Variants in KHK observed in about 807,000 individuals in gnomAD.
KHK encodes fructokinase.
KHK carries 37 observed loss-of-function variants against 36.0 expected under a neutral mutation model. The observed-to-expected ratio is 1.03, with a 90% confidence interval of 0.79 to 1.35. KHK has a LOEUF of 1.35. Ranked by LOEUF, KHK falls within the 40% of genes most tolerant of loss-of-function variation. KHK has a pLI of 0.00. For synonymous variants in KHK, 161 were observed against 162.8 expected, an observed-to-expected ratio of 0.99 and a Z score of 0.08; for missense variants, 395 against 391.9, an observed-to-expected ratio of 1.01 and a Z score of -0.07.
intron 2 of KHK, among the ~76,000 whole-genome samples, chr2:27,093,346 A>G (rs1047830358): frequency 3.9e-5 from 6 of 152,092 alleles, no homozygotes; most frequent in African/African-American, 1.2e-4. Context: ...AACCTCTTTA[A>G]TAGCTCCTTT....
In KHK at chr2:27,100,266, G is replaced by A. The variant is rs982962066; in HGVS notation, c.*516G>A. On this transcript the variant is annotated 3_prime_UTR_variant, in exon 8 of 8. Coordinates refer to ENST00000260598, the MANE Select transcript of KHK (RefSeq NM_006488.3). ...AGCTCAGAAGCTGGGAGTCCACACC[G>A]CTGAGCTGAACTGACAGGCCAGTGG... 10 of 411,602 alleles carry A rather than the reference G, an allele frequency of 2.4e-5. No individual in the cohort carries two copies. Among genetic ancestry groups the A allele is most frequent in the Admixed American group, 1.3e-4 (4 of 30,110 alleles). The allele number at this position is 411,602 out of a possible 1,614,324, so 25.5% of individuals were successfully genotyped here.
intron 1 of KHK, among the ~76,000 whole-genome samples, chr2:27,090,826 G>A: frequency 6.6e-6 from 1 of 152,036 alleles, no homozygotes; most frequent in East Asian, 2.0e-4. Flanking sequence ...GGCCAAGGCA[G>A]GAGGATCGCT....
At chr2:27,098,919 C>T in intron 5 of KHK, 4 of 434,386 alleles carry the variant, frequency 9.2e-6, no homozygotes, top group South Asian at 8.6e-5. Flanking sequence ...ATGCTTCTGG[C>T]CAGGTGCAGT....
intron 2 of KHK, among the ~76,000 whole-genome samples, chr2:27,092,782 C>T (rs1436046440): frequency 6.6e-6 from 1 of 152,178 alleles, no homozygotes; most frequent in South Asian, 2.1e-4. Context: ...GTCCCTTATC[C>T]TGGCCATGCT....
chr2:27,094,250 C>A (rs1305679103), intron 2 of KHK: 4 of 603,070 alleles, frequency 6.6e-6, no homozygotes, highest in Admixed American at 2.5e-5. Flanking sequence ...CAGCCAAGAC[C>A]TAAAAGGATG....
At position 27,094,943 on chromosome 2, in the gene KHK, C is replaced by A. The variant is rs1670248751; in HGVS notation, c.344+9C>A. 1.2e-6 allele frequency: 2 copies of A among 1,613,750 alleles called. No individual in the cohort carries two copies. Among genetic ancestry groups the A allele is most frequent in the South Asian group, 2.2e-5 (2 of 91,086 alleles). The stretch of plus-strand genomic sequence containing the variant: ...ATTGTGCTCCATGACACGTAAGGCC[C>A]CCGGGCCTCGCCCTGCTACAACCCA... On this transcript the variant is annotated intron_variant, in intron 3 of 7. Coordinates refer to ENST00000260598, the MANE Select transcript of KHK (RefSeq NM_006488.3).
At chr2:27,098,789 A>G (rs1464347524) in intron 5 of KHK, 3 of 211,438 alleles carry the variant, frequency 1.4e-5, no homozygotes, top group African/African-American at 4.6e-5. Context: ...TTCCACCCCA[A>G]GGTGGCGCTC....
chr2:27,097,799 A>T (rs78701312), intron 5 of KHK, 150 bp downstream of exon 5: 2 of 1,125,376 alleles, frequency 1.8e-6, no homozygotes, highest in African/African-American at 1.5e-5. Flanking sequence ...TAAAGCAAAG[A>T]AGTAGACCCC....
At chr2:27,092,700 C>T (rs1182687821) in intron 2 of KHK, among the ~76,000 whole-genome samples, 1 of 152,194 alleles carries the variant, frequency 6.6e-6, no homozygotes, top group Non-Finnish European at 1.5e-5. Flanking sequence ...CTGGAGCCTG[C>T]TTCAGCCTCT....
chr2:27,091,897 G>A (rs1048827674), intron 1 of KHK, among the ~76,000 whole-genome samples: 1 of 152,026 alleles, frequency 6.6e-6, no homozygotes, highest in Non-Finnish European at 1.5e-5. Context: ...GTGTAAATGT[G>A]ATACCTTTGG....
At position 27,094,784 on chromosome 2, in the gene KHK, CG is replaced by C. The variant is rs1231603877; in HGVS notation, c.210-14del. ...GTGTCTCCTTGCCCTTTTCCTGGCC[CG>C]GCCTCCACCCTAAGCTTCCTGGTGG... On this transcript the variant is annotated splice_polypyrimidine_tract_variant and intron_variant, in intron 2 of 7. Transcript: ENST00000260598. The C allele has an allele frequency of 6.2e-7, 1 of 1,613,872 alleles. No homozygotes were observed. Among genetic ancestry groups the C allele is most frequent in the African/African-American group, 1.3e-5 (1 of 74,942 alleles).
intron 1 of KHK, chr2:27,087,905 G>A (rs1262599226): frequency 6.6e-6 from 1 of 152,340 alleles, no homozygotes; most frequent in African/African-American, 2.4e-5. Context: ...TGCTGGCACT[G>A]GAGGCAAACA....
chr2:27,094,671 A>T, intron 2 of KHK, 129 bp from the exon 3 acceptor site: 1 of 1,613,656 alleles, frequency 6.2e-7, no homozygotes. Context: ...CTCCCAGAAC[A>T]GGACTCTTCT....
chr2:27,089,045 G>A (rs1669831633), intron 1 of KHK, among the ~76,000 whole-genome samples: 1 of 152,160 alleles, frequency 6.6e-6, no homozygotes, highest in South Asian at 2.1e-4. Flanking sequence ...GCAGCCCATG[G>A]GAACTGTGTA....
Position 27,097,515 on chromosome 2 carries a change from T to G in KHK, c.430T>G (p.Ser144Ala), listed in dbSNP as rs1349702820. 1.2e-5 allele frequency: 19 copies of G among 1,613,576 alleles called. No individual in the cohort carries two copies. The highest frequency in any genetic ancestry group is 1.4e-5 in the Non-Finnish European group (17 of 1,180,040). Residue 144 changes from serine (S) to alanine (A), a missense_variant, in exon 5 of 8, where the codon TCG becomes GCG. Physicochemically the swap from Ser to Ala is moderately conservative, Grantham distance 99 (BLOSUM62 1). Coordinates refer to ENST00000260598, the MANE Select transcript of KHK (RefSeq NM_006488.3). ...KWIHIEGRNA[S>A]EQVKMLQRID... ...TGTCCTGTACCAGGGCCGGAACGCATCGGAGCAGGTGAAGATGCTGCAGCG... is the reference window on the plus strand; with the variant it reads ...TGTCCTGTACCAGGGCCGGAACGCAGCGGAGCAGGTGAAGATGCTGCAGCG...
intron 2 of KHK, chr2:27,094,274 C>T (rs1426704724): frequency 1.5e-6 from 1 of 659,062 alleles, no homozygotes; most frequent in Non-Finnish European, 2.7e-6. Flanking sequence ...CTTAGTGTTT[C>T]TCTCTCTGAG....
rs973719326 is a variant in KHK at position 27,100,414 on chromosome 2, A to G, written c.*664A>G. On this transcript the variant is annotated 3_prime_UTR_variant, in exon 8 of 8. Transcript: ENST00000260598. ...CCTGAAAGTCTCACCCTTGGAGCCC[A>G]CCTTGGAATTAAGGGCGTGCCTCAG... The G allele has an allele frequency of 7.8e-7, 1 of 1,290,158 alleles. No homozygotes were observed. Among genetic ancestry groups the G allele is most frequent in the African/African-American group, 1.5e-5 (1 of 65,854 alleles). The allele number at this position is 1,290,158 out of a possible 1,614,324, so 79.9% of individuals were successfully genotyped here. A position where few individuals can be genotyped will look rare whatever the true frequency, so the allele number is the denominator to read the frequency against.
chr2:27,099,828 C>G lies in KHK; in HGVS notation c.*78C>G. 1 of 1,565,666 alleles carries G rather than the reference C, an allele frequency of 6.4e-7. No homozygotes were observed. The highest frequency in any genetic ancestry group is 2.4e-5 in the East Asian group (1 of 41,652). On this transcript the variant is annotated 3_prime_UTR_variant, in exon 8 of 8. Transcript: ENST00000260598. The stretch of plus-strand genomic sequence containing the variant: ...GCCTTCTCCCCTCCATCCAGCCTGG[C>G]GTCCAGGTTGCCCTGTTCAGGGGAC...
At position 27,099,786 on chromosome 2, in the gene KHK, A is replaced by G. The variant is rs746554524; in HGVS notation, c.*36A>G. 1.2e-6 allele frequency: 2 copies of G among 1,607,720 alleles called. No individual in the cohort carries two copies. The highest frequency in any genetic ancestry group is 1.7e-6 in the Non-Finnish European group (2 of 1,177,188). On this transcript the variant is annotated 3_prime_UTR_variant, in exon 8 of 8. Coordinates refer to ENST00000260598, the MANE Select transcript of KHK (RefSeq NM_006488.3). ...CGGCTCCTCACACACCATGGAGACTACCATTGCGGCTGCATCGCCTTCTCC... is the reference window on the plus strand; with the variant it reads ...CGGCTCCTCACACACCATGGAGACTGCCATTGCGGCTGCATCGCCTTCTCC...
Sources: gnomAD v4.1 joint callset for allele counts (sites outside exome capture counted in the v4.1 genomes callset) on GRCh38, gnomAD v4.1.1 for gene constraint, MANE v1.5 for transcripts, NCBI Gene and HGNC (gene_info 2026-07-23, HGNC 2026-07-21) for gene names.